CD160: variants seen among roughly 807,000 people sequenced by gnomAD.
The protein encoded by CD160 is CD160 molecule.
CD160 carries 11 observed loss-of-function variants against 19.2 expected under a neutral mutation model. The observed-to-expected ratio is 0.57, with a 90% CI of 0.36 to 0.95. The LOEUF (loss-of-function observed/expected upper bound fraction) is 0.95, where lower values mean the gene tolerates loss of function less well. Ranked by LOEUF, CD160 falls within the 40% of genes least tolerant of loss-of-function variation. The pLI, the probability that CD160 is intolerant of heterozygous loss-of-function variation, is 0.01. For missense variants in CD160, 182 were observed against 213.2 expected (o/e 0.85, Z 0.91); for synonymous variants, 75 against 81.1 (o/e 0.93, Z 0.40).
intron 4 of CD160, among the ~76,000 whole-genome samples, chr1:145,734,586 G>A (rs1006828669): frequency 1.3e-5 from 2 of 152,122 alleles, no homozygotes; most frequent in African/African-American, 4.8e-5. Flanking sequence ...CAGGCCCAGC[G>A]CTATGCCTTG....
In CD160 at chr1:145,730,920, G is replaced by A. The variant is rs148311134; in HGVS notation, c.250G>A (p.Gly84Arg). 6.5e-3 allele frequency: 10,442 copies of A among 1,614,164 alleles called. 52 individuals are homozygous for A. Among genetic ancestry groups the A allele is most frequent in the Non-Finnish European group, 7.8e-3 (9,146 of 1,179,994 alleles). The change falls in exon 4 of 6, where the codon GGG becomes AGG. Residue 84 changes from glycine to arginine, a missense_variant. Physicochemically the swap from Gly to Arg is moderately radical, Grantham distance 125. Transcript: ENST00000369288. The stretch of plus-strand genomic sequence containing the variant: ...ACAGCTGAGACTTAAAAGGGATCCT[G>A]GGATAGATGGTGTTGGTGAAATATC... Reference protein sequence around the residue: ...LKQLRLKRDPGIDGVGEISSQ... With the variant: ...LKQLRLKRDPRIDGVGEISSQ...
chr1:145,732,261 A>T (rs1307488531), intron 4 of CD160, among the ~76,000 whole-genome samples: 1 of 152,250 alleles, frequency 6.6e-6, no homozygotes, highest in African/African-American at 2.4e-5. Flanking sequence ...CATGAGATGC[A>T]ATGACTCAAA....
chr1:145,733,870 T>A (rs1559094837), intron 4 of CD160, among the ~76,000 whole-genome samples: 1 of 152,170 alleles, frequency 6.6e-6, no homozygotes. Flanking sequence ...AGCATCTCCC[T>A]GCAACTGACC....
intron 3 of CD160, among the ~76,000 whole-genome samples, chr1:145,729,043 G>GT (rs1657177372): frequency 6.6e-6 from 1 of 152,280 alleles, no homozygotes; most frequent in African/African-American, 2.4e-5. Context: ...AATGGGAAGA[G>GT]TAATACCTGC....
At position 145,730,740 on chromosome 1, in the gene CD160, C is replaced by A. The variant is rs1553709013; in HGVS notation, c.74-4C>A. On this transcript the variant is annotated splice_region_variant and splice_polypyrimidine_tract_variant and intron_variant, in intron 3 of 5. Coordinates refer to ENST00000369288, the MANE Select transcript of CD160 (RefSeq NM_007053.4). ...TCTGGGTAATTCTTCCCTTTCCATT[C>A]CAGGATGCATTAACATCACCAGCTC... is the stretch of plus-strand genomic sequence containing the variant. The A allele has an allele frequency of 1.2e-6, 2 of 1,609,188 alleles. No individual in the cohort carries two copies. The highest frequency in any genetic ancestry group is 3.3e-5 in the Admixed American group (2 of 59,990).
intron 3 of CD160, among the ~76,000 whole-genome samples, chr1:145,730,169 A>T (rs12755149): frequency 0.28 from 41,905 of 151,924 alleles, 6,736 homozygotes; most frequent in Non-Finnish European, 0.35. Context: ...CAAAATAAAA[A>T]ATTAGCCAGG....
At chr1:145,731,120 T>C (rs587735483) in intron 4 of CD160, 50 bp downstream of exon 4, 27 of 1,440,578 alleles carry the variant, frequency 1.9e-5, no homozygotes, top group African/African-American at 9.8e-5. Flanking sequence ...GTGAGCAGGG[T>C]TGACAGTGGA....
intron 1 of CD160, among the ~76,000 whole-genome samples, chr1:145,719,942 G>A (rs1656763728): frequency 6.6e-6 from 1 of 152,224 alleles, no homozygotes; most frequent in African/African-American, 2.4e-5. Flanking sequence ...CATGTCCTAG[G>A]TGGTTCACGT....
chr1:145,730,973 A>T lies in CD160; in HGVS notation c.303A>T (p.Gln101His). The change falls in exon 4 of 6, where the codon CAA (glutamine) becomes CAT (histidine). Residue 101 changes from glutamine to histidine, a missense_variant. Coordinates refer to ENST00000369288, the MANE Select transcript of CD160 (RefSeq NM_007053.4). ...CTCAGTTGATGTTCACCATAAGCCA[A>T]GTCACACCGTTGCACAGTGGGACCT... The part of the protein sequence containing the change: ...ISSQLMFTIS[Q>H]VTPLHSGTYQ... 1 of 1,614,180 alleles carries T rather than the reference A, an allele frequency of 6.2e-7. No individual in the cohort carries two copies. Among genetic ancestry groups the T allele is most frequent in the Non-Finnish European group, 8.5e-7 (1 of 1,180,008 alleles).
intron 5 of CD160, 130 bp downstream of exon 5, chr1:145,736,264 C>G: frequency 6.4e-7 from 1 of 1,559,420 alleles, no homozygotes; most frequent in South Asian, 1.2e-5. Context: ...TACTCAAGCC[C>G]TGGCTATCCA....
At chr1:145,720,833 C>T (rs1453124075) in intron 1 of CD160, among the ~76,000 whole-genome samples, 2 of 152,198 alleles carry the variant, frequency 1.3e-5, no homozygotes. Flanking sequence ...GCTGGTCACA[C>T]AAAGCTTGGA....
At chr1:145,721,718 A>T (rs1197303448) in intron 1 of CD160, among the ~76,000 whole-genome samples, 4 of 151,522 alleles carry the variant, frequency 2.6e-5, no homozygotes, top group Non-Finnish European at 5.9e-5. Context: ...ACTGGAAGCC[A>T]GATCTCCTCA....
At chr1:145,726,755 G>T (rs941668576) in intron 2 of CD160, among the ~76,000 whole-genome samples, 12 of 152,014 alleles carry the variant, frequency 7.9e-5, no homozygotes, top group African/African-American at 2.9e-4. Flanking sequence ...ATGGGTAAAA[G>T]ATGACATTTT....
intron 1 of CD160, among the ~76,000 whole-genome samples, chr1:145,722,231 C>T (rs1182054462): frequency 6.6e-6 from 1 of 152,196 alleles, no homozygotes; most frequent in Non-Finnish European, 1.5e-5. Context: ...TTACTCTCTG[C>T]CAGGCACTGT....
chr1:145,729,397 A>G (rs1657193730), intron 3 of CD160, among the ~76,000 whole-genome samples: 2 of 152,342 alleles, frequency 1.3e-5, no homozygotes, highest in African/African-American at 4.8e-5. Flanking sequence ...TGGCAGCCTC[A>G]GCATCTGCCG....
At chr1:145,737,429 C>T (rs1553710372) in intron 5 of CD160, 1 of 152,246 alleles carries the variant, frequency 6.6e-6, no homozygotes, top group Non-Finnish European at 1.5e-5. Context: ...AACAGGACCA[C>T]CTAAACATTC....
chr1:145,728,636 T>C (rs1168231350), intron 3 of CD160, among the ~76,000 whole-genome samples: 1 of 151,190 alleles, frequency 6.6e-6, no homozygotes, highest in Non-Finnish European at 1.5e-5. Flanking sequence ...CCCGAGTAGC[T>C]GGGACTACAG....
intron 4 of CD160, among the ~76,000 whole-genome samples, chr1:145,731,475 A>G (rs1657290867): frequency 1.3e-5 from 2 of 152,192 alleles, no homozygotes; most frequent in African/African-American, 4.8e-5. Flanking sequence ...GTTAAAGATC[A>G]GCCTAGCCAA....
chr1:145,723,222 A>G (rs184498383), intron 1 of CD160, among the ~76,000 whole-genome samples: 11 of 152,304 alleles, frequency 7.2e-5, no homozygotes, highest in Admixed American at 5.9e-4. Flanking sequence ...ATGTATAGAT[A>G]AGTACAGAAG....
Sources: gnomAD v4.1 joint callset for allele counts (sites outside exome capture counted in the v4.1 genomes callset) on GRCh38, gnomAD v4.1.1 for gene constraint, MANE v1.5 for transcripts, NCBI Gene and HGNC (gene_info 2026-07-23, HGNC 2026-07-21) for gene names.